Variants in NUMBL observed in about 807,000 individuals in gnomAD.
NUMBL encodes the protein NUMB like endocytic adaptor protein, also known as numb-like protein.
In NUMBL, 20 loss-of-function variants were observed where a neutral mutation model predicts 48.9. The observed-to-expected ratio is 0.41, with a 90% CI of 0.29 to 0.59. NUMBL has a LOEUF of 0.59. NUMBL is among the 20% of genes least tolerant of loss of function. The pLI is 0.31. For synonymous variants in NUMBL, 340 were observed against 348.7 expected (o/e 0.98, Z 0.28); for missense variants, 660 against 846.2 (o/e 0.78, Z 2.73).
At chr19:40,680,842 C>A in intron 6 of NUMBL, 75 bp downstream of exon 6, 1 of 1,528,496 alleles carries the variant, frequency 6.5e-7, no homozygotes, top group South Asian at 1.1e-5. Flanking sequence ...TGCCTGAATG[C>A]AGGAAGCTTG....
At position 40,684,423 on chromosome 19, in the gene NUMBL, C is replaced by T. The variant is rs1459563650; in HGVS notation, c.243G>A (p.Pro81=). ...DAVRKGTCSF[P]VRYLGHVEVE... is the part of the protein sequence containing the mutation. ...CCCTGCCGCGCCCACTCACCCTGAC[C>T]GGGAAGCTGCACGTGCCCTTCCGCA... The change falls in exon 3 of 10, where the codon CCG becomes CCA. Residue 81 remains proline (P), a synonymous_variant. Coordinates refer to ENST00000252891, the MANE Select transcript of NUMBL (RefSeq NM_004756.5). 11 of 1,564,746 alleles carry T rather than the reference C, an allele frequency of 7.0e-6. No individual in the cohort carries two copies. The highest frequency in any genetic ancestry group is 1.4e-5 in the African/African-American group (1 of 73,776).
Position 40,673,558 on chromosome 19 carries a change from CTTCTCACCA to C in NUMBL, c.813_821del (p.Lys274_Glu276del). On this transcript the variant is annotated inframe_deletion, in exon 8 of 10. Transcript: ENST00000252891. The surrounding 1 kb of genome is among the most constrained non-coding windows in gnomAD (Gnocchi z 5.9). The stretch of plus-strand genomic sequence containing the variant: ...CAGCCACAGGGGTGCCTGCCTCACC[CTTCTCACCA>C]GGGGATGTGGTGGCTGGTGTCGGGG... 1 of 1,552,060 alleles carries C rather than the reference CTTCTCACCA, an allele frequency of 6.4e-7. No homozygotes were observed. The highest frequency in any genetic ancestry group is 8.7e-7 in the Non-Finnish European group (1 of 1,147,328).
chr19:40,686,927 G>A lies in NUMBL; in HGVS notation c.93C>T (p.Thr31=). ...GTCGCTCACCTGGCTCCGTCCTGCA[G>A]GTTTCTGGGGGCCCCGGGGCCCCAC... ...APCGAPGPPE[T]CRTEPDGAGT... is the part of the protein sequence containing the mutation. The change falls in exon 2 of 10, where the codon ACC becomes ACT. Residue 31 remains threonine, a synonymous_variant. Coordinates refer to ENST00000252891, the MANE Select transcript of NUMBL (RefSeq NM_004756.5). 6.5e-7 allele frequency: 1 copy of A among 1,544,852 alleles called. No individual in the cohort carries two copies.
Position 40,682,665 on chromosome 19 carries a change from C to A in NUMBL, c.399+63G>T. 1 of 1,528,394 alleles carries A rather than the reference C, an allele frequency of 6.5e-7. No individual in the cohort carries two copies. Among genetic ancestry groups the A allele is most frequent in the Non-Finnish European group, 9.0e-7 (1 of 1,111,296 alleles). 94.7% of individuals were successfully genotyped at this position (1,528,394 alleles called of 1,614,324 possible). ...GCAGAGGAGGCGGGAAGGTGTCCTC[C>A]GCCCTGATTCCAGCAGGGTGAGCAG... On this transcript the variant is annotated intron_variant, in intron 5 of 9. Coordinates refer to ENST00000252891, the MANE Select transcript of NUMBL (RefSeq NM_004756.5). The surrounding 1 kb of genome is among the most constrained non-coding windows in gnomAD (Gnocchi z 4.0).
At chr19:40,681,103 C>T (rs1466485759) in intron 5 of NUMBL, 46 bp from the exon 6 acceptor site, 3 of 1,594,372 alleles carry the variant, frequency 1.9e-6, no homozygotes, top group Non-Finnish European at 2.6e-6. Flanking sequence ...AACTCTCTTT[C>T]AAGTGTTCAC....
chr19:40,674,390 C>G (rs2144653591), intron 7 of NUMBL, among the ~76,000 whole-genome samples: 1 of 152,294 alleles, frequency 6.6e-6, no homozygotes, highest in African/African-American at 2.4e-5. Context: ...TCCCTCCACT[C>G]TGAGACTGTT....
At chr19:40,669,851 C>T (rs778922541) in intron 9 of NUMBL, 47 bp downstream of exon 9, 67 of 1,596,826 alleles carry the variant, frequency 4.2e-5, no homozygotes, top group Non-Finnish European at 4.6e-5. Context: ...GGAGGGGATA[C>T]AGGAGGGACA....
intron 2 of NUMBL, 49 bp from the exon 3 acceptor site, chr19:40,684,605 A>G (rs777479273): frequency 6.4e-7 from 1 of 1,555,700 alleles, no homozygotes; most frequent in South Asian, 1.2e-5. Context: ...GTCAGAAGGT[A>G]TGGAGCTCAA....
In NUMBL at chr19:40,667,923, C is replaced by T; in HGVS notation, c.1375G>A (p.Ala459Thr). 4 of 1,570,580 alleles carry T rather than the reference C, an allele frequency of 2.5e-6. No individual in the cohort carries two copies. Among genetic ancestry groups the T allele is most frequent in the Non-Finnish European group, 3.5e-6 (4 of 1,157,982 alleles). ...ACGGGGGCGGGGAAAGGCTGCAGGG[C>T]AGGAGGCATGGTGGGCACTGGGGCC... The part of the protein sequence containing the change: ...SVAPVPTMPP[A>T]LQPFPAPVGP... Residue 459 changes from alanine (A) to threonine (T), a missense_variant, in exon 10 of 10, where the codon GCC becomes ACC. Coordinates refer to ENST00000252891, the MANE Select transcript of NUMBL (RefSeq NM_004756.5). The surrounding 1 kb of genome is among the most constrained non-coding windows in gnomAD (Gnocchi z 6.1).
rs1375068631 is a variant in NUMBL, at chr19:40,687,606, GGGGC to G, written c.25-615_25-612del. On this transcript the variant is annotated intron_variant, in intron 1 of 9. Coordinates refer to ENST00000252891, the MANE Select transcript of NUMBL (RefSeq NM_004756.5). The surrounding 1 kb of genome is among the most constrained non-coding windows in gnomAD (Gnocchi z 4.6). ...ACATTCTCAGCCACATACAAAGAAC[GGGGC>G]CCAGACAACCCACTAGAGCCGCACA... Among the ~76,000 whole-genome samples, 2 of 152,050 alleles carry G rather than the reference GGGGC, an allele frequency of 1.3e-5. No homozygotes were observed. Among genetic ancestry groups the G allele is most frequent in the East Asian group, 3.9e-4 (2 of 5,158 alleles).
At chr19:40,674,591 G>A (rs183186252) in intron 7 of NUMBL, among the ~76,000 whole-genome samples, 32 of 152,196 alleles carry the variant, frequency 2.1e-4, no homozygotes, top group Middle Eastern at 3.4e-3. Context: ...TAAGGATGTC[G>A]CCCAGTGCTG....
Position 40,681,022 on chromosome 19 carries a change from G to A in NUMBL, c.435C>T (p.Ser145=), listed in dbSNP as rs2081902653. 2 of 1,614,226 alleles carry A rather than the reference G, an allele frequency of 1.2e-6. No individual in the cohort carries two copies. The highest frequency in any genetic ancestry group is 1.7e-6 in the Non-Finnish European group (2 of 1,180,038). Residue 145 remains serine, a synonymous_variant, in exon 6 of 10, where the codon TCC becomes TCT. Transcript: ENST00000252891. The part of the protein sequence containing the change: ...LLVDQTIEKV[S]FCAPDRNLDK... The stretch of plus-strand genomic sequence containing the variant: ...CCAGGTTGCGGTCAGGAGCACAAAA[G>A]GAGACCTTTTCGATGGTCTGGTCGA...
In NUMBL at chr19:40,667,900, G is replaced by A. The variant is rs1323598518; in HGVS notation, c.1398C>T (p.Pro466=). 8.9e-6 allele frequency: 14 copies of A among 1,577,068 alleles called. No homozygotes were observed. The highest frequency in any genetic ancestry group is 1.3e-5 in the African/African-American group (1 of 74,140). ...MPPALQPFPA[P]VGPFDAAPAQ... is the part of the protein sequence containing the mutation. The stretch of plus-strand genomic sequence containing the variant: ...CAGGTGCAGCGTCAAAGGGCCCCAC[G>A]GGGGCGGGGAAAGGCTGCAGGGCAG... The change falls in exon 10 of 10, where the codon CCC becomes CCT. Residue 466 remains proline (P), a synonymous_variant. Coordinates refer to ENST00000252891, the MANE Select transcript of NUMBL (RefSeq NM_004756.5). This position sits in a 1 kb window ranked among gnomAD's most constrained non-coding sequence, Gnocchi z 6.1.
Position 40,677,299 on chromosome 19 carries a change from G to A in NUMBL, c.663C>T (p.Arg221=), listed in dbSNP as rs775759242. The A allele has an allele frequency of 1.7e-5, 28 of 1,610,046 alleles. No individual in the cohort carries two copies. Among genetic ancestry groups the A allele is most frequent in the Middle Eastern group, 1.7e-4 (1 of 5,954 alleles). ...AFDASRTSFA[R]EGSFRLSGGG... is the part of the protein sequence containing the mutation. The stretch of plus-strand genomic sequence containing the variant: ...CCCCAGACAGGCGGAAGGAGCCCTC[G>A]CGGGCGAAGCTGGTGCGGCTGGCAT... The change falls in exon 7 of 10, where the codon CGC becomes CGT. Residue 221 remains arginine, a synonymous_variant. Coordinates refer to ENST00000252891, the MANE Select transcript of NUMBL (RefSeq NM_004756.5).
At chr19:40,677,792 C>T (rs2081885349) in intron 6 of NUMBL, among the ~76,000 whole-genome samples, 1 of 152,032 alleles carries the variant, frequency 6.6e-6, no homozygotes, top group African/African-American at 2.4e-5. Context: ...AGGCTGCAAG[C>T]AGCTATGATG....
intron 9 of NUMBL, 55 bp from the exon 10 acceptor site, chr19:40,668,193 C>A (rs1281383873): frequency 1.3e-6 from 2 of 1,516,064 alleles, no homozygotes; most frequent in Admixed American, 2.1e-5. Context: ...AGCAGAAGAA[C>A]CCCAGGCTGG....
intron 6 of NUMBL, among the ~76,000 whole-genome samples, chr19:40,678,880 C>T (rs927526654): frequency 6.6e-6 from 1 of 152,162 alleles, no homozygotes; most frequent in Admixed American, 6.5e-5. Flanking sequence ...CACTTGAGGC[C>T]AGGAGTTCGA....
In NUMBL at chr19:40,684,068, G is replaced by GTTTTTT. The variant is rs10684015; in HGVS notation, c.249+343_249+348dup. 41 of 125,174 alleles carry GTTTTTT rather than the reference G, an allele frequency of 3.3e-4. 2 individuals carry two copies. Among genetic ancestry groups the GTTTTTT allele is most frequent in the South Asian group, 2.0e-3 (11 of 5,634 alleles). 7.8% of individuals were successfully genotyped at this position (125,174 alleles called of 1,614,324 possible). On this transcript the variant is annotated intron_variant, in intron 3 of 9. Coordinates refer to ENST00000252891, the MANE Select transcript of NUMBL (RefSeq NM_004756.5). ...GGTGTTAGCCACCACTACGCTTCAA[G>GTTTTTT]TTTTTTTTTTTTTTTTTTTGAAACA...
chr19:40,690,378 G>T, intron 1 of NUMBL, 82 bp downstream of exon 1: 1 of 823,338 alleles, frequency 1.2e-6, no homozygotes, highest in Non-Finnish European at 1.6e-6. Context: ...CTCCATCCGG[G>T]CGCCGCGGCC....
Sources: allele counts gnomAD v4.1 joint callset (sites outside exome capture counted in the v4.1 genomes callset), GRCh38; gene constraint gnomAD v4.1.1; non-coding constraint Gnocchi (gnomAD v3.1); transcripts MANE v1.5; gene names NCBI Gene and HGNC (gene_info 2026-07-23, HGNC 2026-07-21).